The following SPOUT1 variants were observed in gnomAD, a reference collection of about 807,000 sequenced individuals.
The protein encoded by SPOUT1 is SPOUT domain containing methyltransferase 1, also known as 28S rRNA (uridine-N(3))-methyltransferase.
Under a neutral mutation model 54.8 loss-of-function variants are expected in SPOUT1, and 40 were observed. The ratio of observed to expected loss-of-function variants is 0.73; its 90% confidence interval spans 0.57 to 0.95. The LOEUF is 0.95. SPOUT1 is among the 40% of genes least tolerant of loss of function. SPOUT1 has a pLI of 0.00. For synonymous variants in SPOUT1, 193 were observed against 200.3 expected (o/e 0.96, Z 0.31); for missense variants, 437 against 499.5 (o/e 0.87, Z 1.19).
chr9:128,823,581 A>G (rs1830171798), intron 11 of SPOUT1, among the ~76,000 whole-genome samples, 166 bp downstream of exon 11: 1 of 152,168 alleles, frequency 6.6e-6, no homozygotes, highest in Admixed American at 6.5e-5. Context: ...ACTCCCAGCT[A>G]CACTCATGTC....
intron 7 of SPOUT1, 133 bp from the exon 8 acceptor site, chr9:128,825,182 AC>A (rs1432965418): frequency 3.1e-6 from 2 of 650,142 alleles, no homozygotes; most frequent in South Asian, 1.8e-5. Flanking sequence ...GCCACCCTCC[AC>A]CCCTGGCACC....
At chr9:128,825,093 C>G (rs755712631) in intron 7 of SPOUT1, 44 bp from the exon 8 acceptor site, 1 of 1,423,950 alleles carries the variant, frequency 7.0e-7, no homozygotes, top group Non-Finnish European at 9.7e-7. Flanking sequence ...CTCTCAAGAT[C>G]AGCAGGGGCC....
In SPOUT1 at chr9:128,821,863, A is replaced by C. The variant is rs1284795005; in HGVS notation, c.*902T>G. Reference sequence around the variant, plus strand: ...CAAGGCGGTGGTTGGGGCACTGATCAAATTTCATTAGCAGGTGCCTCCTAG... The same window carrying C: ...CAAGGCGGTGGTTGGGGCACTGATCCAATTTCATTAGCAGGTGCCTCCTAG... On this transcript the variant is annotated 3_prime_UTR_variant, in exon 12 of 12. Transcript: ENST00000361256. 1 of 185,364 alleles carries C rather than the reference A, an allele frequency of 5.4e-6. No homozygotes were observed. The highest frequency in any genetic ancestry group is 1.4e-4 in the East Asian group (1 of 6,996). The allele number at this position is 185,364 out of a possible 1,614,324, so 11.5% of individuals were successfully genotyped here. A position where few individuals can be genotyped will look rare whatever the true frequency, so the allele number is the denominator to read the frequency against.
At position 128,822,386 on chromosome 9, in the gene SPOUT1, GCAGTGCCCA is replaced by G; in HGVS notation, c.*370_*378del. The stretch of plus-strand genomic sequence containing the variant: ...CCAGGTCATCGGCAAGAACCACGTG[GCAGTGCCCA>G]CACACTTCTTCAAGGTGCTGATCCT... On this transcript the variant is annotated 3_prime_UTR_variant, in exon 12 of 12. Transcript: ENST00000361256. The G allele has an allele frequency of 6.2e-7, 1 of 1,613,554 alleles. No homozygotes were observed. The highest frequency in any genetic ancestry group is 8.5e-7 in the Non-Finnish European group (1 of 1,179,842).
At position 128,820,911 on chromosome 9, in the gene SPOUT1, A is replaced by G; in HGVS notation, c.*1854T>C. On this transcript the variant is annotated 3_prime_UTR_variant, in exon 12 of 12. Transcript: ENST00000361256. Reference sequence around the variant, plus strand: ...TCACCTGAGGCCCCTACTGCCACTCACAGGGCCAGGCTTGCCCCAGGCTCT... The same window carrying G: ...TCACCTGAGGCCCCTACTGCCACTCGCAGGGCCAGGCTTGCCCCAGGCTCT... 2 of 1,445,672 alleles carry G rather than the reference A, an allele frequency of 1.4e-6. No homozygotes were observed. 89.6% of individuals were successfully genotyped at this position (1,445,672 alleles called of 1,614,324 possible). A position where few individuals can be genotyped will look rare whatever the true frequency, so the allele number is the denominator to read the frequency against.
intron 7 of SPOUT1, 108 bp downstream of exon 7, chr9:128,825,914 G>T (rs1237914118): frequency 2.8e-6 from 4 of 1,427,090 alleles, no homozygotes; most frequent in Non-Finnish European, 3.9e-6. Context: ...ATTTGCATCA[G>T]TGAGGGATTT....
At chr9:128,823,939 C>G (rs761182152) in intron 10 of SPOUT1, 45 bp from the exon 11 acceptor site, 37 of 1,607,052 alleles carry the variant, frequency 2.3e-5, no homozygotes, top group Non-Finnish European at 3.0e-5. Flanking sequence ...ACCGAGGCCC[C>G]ACCCAGCACA....
At chr9:128,829,206 C>T (rs1198225861) in intron 1 of SPOUT1, 51 bp from the exon 2 acceptor site, 1 of 1,468,824 alleles carries the variant, frequency 6.8e-7, no homozygotes, top group African/African-American at 1.4e-5. Flanking sequence ...ATGGTCACAC[C>T]TGGAGGGGGT....
At chr9:128,824,493 T>C (rs1057515413) in intron 9 of SPOUT1, among the ~76,000 whole-genome samples, 20 of 151,998 alleles carry the variant, frequency 1.3e-4, no homozygotes, top group African/African-American at 4.3e-4. Flanking sequence ...ACCAAGAACA[T>C]GAAGTGGGCC....
chr9:128,827,349 A>C, intron 3 of SPOUT1, 158 bp from the exon 4 acceptor site: 1 of 657,380 alleles, frequency 1.5e-6, no homozygotes, highest in East Asian at 2.8e-5. Flanking sequence ...TCTGGGCCTC[A>C]GTCTCCCAGC....
chr9:128,823,939 C>T (rs761182152), intron 10 of SPOUT1, 45 bp from the exon 11 acceptor site: 11 of 1,607,170 alleles, frequency 6.8e-6, no homozygotes, highest in Non-Finnish European at 9.3e-6. Context: ...ACCGAGGCCC[C>T]ACCCAGCACA....
At position 128,829,136 on chromosome 9, in the gene SPOUT1, A is replaced by G. The variant is rs766021629; in HGVS notation, c.56T>C (p.Ile19Thr). The change falls in exon 2 of 12, where the codon ATT becomes ACT. Residue 19 changes from isoleucine to threonine, a missense_variant. Transcript: ENST00000361256. ...CTGTTGCTTCCATTTTCGCCACTCA[A>G]TCCTTTGGCCGTGTTCACCCTGGAG... Reference protein sequence around the residue: ...PCGPGEHGQRIEWRKWKQQKK... With the variant: ...PCGPGEHGQRTEWRKWKQQKK... 6 of 1,614,088 alleles carry G rather than the reference A, an allele frequency of 3.7e-6. No individual in the cohort carries two copies. Among genetic ancestry groups the G allele is most frequent in the South Asian group, 1.1e-5 (1 of 91,086 alleles).
chr9:128,822,522 G>T lies in SPOUT1; in HGVS notation c.*243C>A. 6.4e-7 allele frequency: 1 copy of T among 1,559,966 alleles called. No individual in the cohort carries two copies. Among genetic ancestry groups the T allele is most frequent in the Non-Finnish European group, 8.7e-7 (1 of 1,151,580 alleles). On this transcript the variant is annotated 3_prime_UTR_variant, in exon 12 of 12. Transcript: ENST00000361256. ...GAGCGCTTCCTGGTGCCCATCGAGA[G>T]CATTGAGCGGGCTTCGGGGCTGCTC...
Position 128,820,773 on chromosome 9 carries a change from T to C in SPOUT1, c.*1992A>G, listed in dbSNP as rs528071859. 42 of 1,612,222 alleles carry C rather than the reference T, an allele frequency of 2.6e-5. No individual in the cohort carries two copies. In the Middle Eastern group the frequency reaches 8.3e-4, roughly 32 times the overall value. On this transcript the variant is annotated 3_prime_UTR_variant, in exon 12 of 12. Transcript: ENST00000361256. ...CTCAACCAGAATGCCTGGAACAACCTGGAGAAATATAGCCGCAGCTTGACC... is the reference window on the plus strand; with the variant it reads ...CTCAACCAGAATGCCTGGAACAACCCGGAGAAATATAGCCGCAGCTTGACC...
At chr9:128,827,951 T>C (rs1352358856) in intron 3 of SPOUT1, among the ~76,000 whole-genome samples, 7 of 152,080 alleles carry the variant, frequency 4.6e-5, no homozygotes, top group Admixed American at 4.6e-4. Flanking sequence ...AAGAAGCACA[T>C]AGATAACATG....
In SPOUT1 at chr9:128,827,178, T is replaced by G; in HGVS notation, c.222A>C (p.Thr74=). ...TGGAGCCCGGCAGGGCTACGCTCAG[T>G]GTGTAGGGCCGCCCTGAGCAGGGGA... is the stretch of plus-strand genomic sequence containing the variant. ...AEKEDRGRPY[T]LSVALPGSIL... is the part of the protein sequence containing the mutation. Residue 74 remains threonine (T), a synonymous_variant, in exon 4 of 12, where the codon ACA becomes ACC. Transcript: ENST00000361256. 1 of 1,612,876 alleles carries G rather than the reference T, an allele frequency of 6.2e-7. No homozygotes were observed. The highest frequency in any genetic ancestry group is 8.5e-7 in the Non-Finnish European group (1 of 1,179,750).
chr9:128,824,174 C>T lies in SPOUT1; in HGVS notation c.812G>A (p.Ser271Asn), dbSNP rs1564435114. The change falls in exon 10 of 12, where the codon AGT (serine) becomes AAT (asparagine). Residue 271 changes from serine to asparagine, a missense_variant and splice_region_variant. Ser to Asn is a conservative substitution (Grantham distance 46, BLOSUM62 1). Transcript: ENST00000361256. ...GAAGGGGGCCTCAGCAAACACAGCA[C>T]CTGGGGGTGGGGCCAGCTCAGTGCA... is the stretch of plus-strand genomic sequence containing the variant. The part of the protein sequence containing the change: ...GYTVRLASCL[S>N]AVFAEAPFQD... The T allele has an allele frequency of 1.9e-6, 3 of 1,604,634 alleles. No individual in the cohort carries two copies. Among genetic ancestry groups the T allele is most frequent in the Non-Finnish European group, 2.6e-6 (3 of 1,172,178 alleles).
At position 128,825,926 on chromosome 9, in the gene SPOUT1, G is replaced by A. The variant is rs764912881; in HGVS notation, c.639+96C>T. 153 of 1,504,090 alleles carry A rather than the reference G, an allele frequency of 1.0e-4. 1 individual carries two copies. The highest frequency in any genetic ancestry group is 6.7e-4 in the Admixed American group (35 of 51,928). The allele number at this position is 1,504,090 out of a possible 1,614,324, so 93.2% of individuals were successfully genotyped here. A position where few individuals can be genotyped will look rare whatever the true frequency, so the allele number is the denominator to read the frequency against. ...CAAATTTGCATCAGTGAGGGATTTC[G>A]GGCAGGTCCAGGGCTCTCCGCAACA... On this transcript the variant is annotated intron_variant, in intron 7 of 11. Coordinates refer to ENST00000361256, the MANE Select transcript of SPOUT1 (RefSeq NM_016390.4).
rs1393869617 is a variant in SPOUT1, at chr9:128,826,950, C to T, written c.368+82G>A. On this transcript the variant is annotated intron_variant, in intron 4 of 11. Coordinates refer to ENST00000361256, the MANE Select transcript of SPOUT1 (RefSeq NM_016390.4). This position sits in a 1 kb window ranked among gnomAD's most constrained non-coding sequence, Gnocchi z 5.5. ...ACGAGGGAAGAGCCAGGCATGTGGA[C>T]GGGGCCATGGTGAAGCCTCGGCCCA... The T allele has an allele frequency of 1.7e-5, 24 of 1,397,644 alleles. No homozygotes were observed. The East Asian group carries it at 1.8e-4, about 11-fold the overall frequency. The allele number at this position is 1,397,644 out of a possible 1,614,324, so 86.6% of individuals were successfully genotyped here. A position where few individuals can be genotyped will look rare whatever the true frequency, so the allele number is the denominator to read the frequency against.
Sources: allele counts gnomAD v4.1 joint callset (sites outside exome capture counted in the v4.1 genomes callset), GRCh38; gene constraint gnomAD v4.1.1; non-coding constraint Gnocchi (gnomAD v3.1); transcripts MANE v1.5; gene names NCBI Gene and HGNC (gene_info 2026-07-23, HGNC 2026-07-21).